Variants in DYNC1I1 observed in about 807,000 individuals in gnomAD.
DYNC1I1 encodes cytoplasmic dynein 1 intermediate chain 1.
A neutral mutation model predicts 86.6 loss-of-function variants in DYNC1I1; 43 were observed. The ratio of observed to expected loss-of-function variants is 0.50; its 90% CI spans 0.39 to 0.64. The LOEUF is 0.64. Ranked by LOEUF, DYNC1I1 falls within the 30% of genes least tolerant of loss-of-function variation. DYNC1I1 has a pLI of 0.00. For missense variants in DYNC1I1, 604 were observed against 788.8 expected, an observed-to-expected ratio of 0.77 and a Z score of 2.81; for synonymous variants, 262 against 283.7, an observed-to-expected ratio of 0.92 and a Z score of 0.77.
chr7:95,911,607 G>T (rs1272867884), intron 6 of DYNC1I1, among the ~76,000 whole-genome samples: 1 of 152,150 alleles, frequency 6.6e-6, no homozygotes, highest in Non-Finnish European at 1.5e-5. Context: ...AGGGAAGCAG[G>T]AAATAACACA....
chr7:96,024,306 A>C (rs1794623251), intron 10 of DYNC1I1, among the ~76,000 whole-genome samples: 2 of 152,166 alleles, frequency 1.3e-5, no homozygotes, highest in African/African-American at 4.8e-5. Flanking sequence ...CATGTTGCTC[A>C]TGCTAGTCTC....
intron 1 of DYNC1I1, among the ~76,000 whole-genome samples, chr7:95,802,180 A>C (rs1794593368): frequency 2.0e-5 from 3 of 151,972 alleles, no homozygotes; most frequent in African/African-American, 4.8e-5. Flanking sequence ...AAATTATGAC[A>C]TACATGCTGC....
chr7:95,925,532 C>T (rs748171120), intron 6 of DYNC1I1, among the ~76,000 whole-genome samples: 1 of 152,120 alleles, frequency 6.6e-6, no homozygotes, highest in Non-Finnish European at 1.5e-5. Context: ...AGGTTCCTTC[C>T]CGAGATTCTA....
intron 1 of DYNC1I1, among the ~76,000 whole-genome samples, chr7:95,782,067 G>A (rs777735048): frequency 6.6e-6 from 1 of 152,124 alleles, no homozygotes; most frequent in Non-Finnish European, 1.5e-5. Context: ...TCACTCAGAG[G>A]CCCATGCTGC....
intron 6 of DYNC1I1, among the ~76,000 whole-genome samples, chr7:95,908,925 C>T (rs530051727): frequency 1.1e-3 from 167 of 151,984 alleles, no homozygotes; most frequent in African/African-American, 3.8e-3. Context: ...AACTGCATTA[C>T]AAGCCAGGGA....
At chr7:95,805,058 G>A (rs1237774306) in intron 2 of DYNC1I1, among the ~76,000 whole-genome samples, 1 of 152,156 alleles carries the variant, frequency 6.6e-6, no homozygotes, top group East Asian at 1.9e-4. Flanking sequence ...AGGCTCCAGA[G>A]GCCTGCAGAC....
chr7:95,802,508 CA>C (rs1199555021), intron 1 of DYNC1I1, among the ~76,000 whole-genome samples: 1 of 152,198 alleles, frequency 6.6e-6, no homozygotes, highest in Non-Finnish European at 1.5e-5. Context: ...TAGGCTTAAG[CA>C]AATTCCATTT....
intron 16 of DYNC1I1, among the ~76,000 whole-genome samples, chr7:96,108,783 C>T (rs925552571): frequency 2.0e-5 from 3 of 151,342 alleles, no homozygotes; most frequent in African/African-American, 4.9e-5. Context: ...ATTGCTTGAA[C>T]CCAAGAAGCA....
intron 16 of DYNC1I1, among the ~76,000 whole-genome samples, chr7:96,081,356 A>G (rs1562998230): frequency 6.6e-6 from 1 of 151,742 alleles, no homozygotes; most frequent in Admixed American, 6.6e-5. Flanking sequence ...TACACCTTTT[A>G]TTTCAGACAA....
intron 10 of DYNC1I1, among the ~76,000 whole-genome samples, chr7:96,015,339 A>G (rs1472968105): frequency 6.6e-6 from 1 of 152,176 alleles, no homozygotes; most frequent in East Asian, 1.9e-4. Context: ...AACATGGTTC[A>G]GAATAGAATC....
chr7:95,800,493 A>G (rs1794551096), intron 1 of DYNC1I1, among the ~76,000 whole-genome samples: 1 of 152,088 alleles, frequency 6.6e-6, no homozygotes, highest in African/African-American at 2.4e-5. Context: ...CCACTGATGG[A>G]AAAAGAGTTC....
intron 14 of DYNC1I1, among the ~76,000 whole-genome samples, chr7:96,070,857 A>G (rs1345958126): frequency 6.6e-6 from 1 of 152,248 alleles, no homozygotes; most frequent in Admixed American, 6.5e-5. Context: ...TAACTTTGGC[A>G]TATATCTGAC....
intron 1 of DYNC1I1, among the ~76,000 whole-genome samples, chr7:95,801,370 A>G (rs1478928960): frequency 1.3e-5 from 2 of 152,180 alleles, no homozygotes; most frequent in Non-Finnish European, 2.9e-5. Flanking sequence ...CTTTGAAGAA[A>G]TTTTCTGAGA....
intron 14 of DYNC1I1, among the ~76,000 whole-genome samples, chr7:96,054,914 C>G (rs1046496260): frequency 6.6e-6 from 1 of 152,106 alleles, no homozygotes; most frequent in African/African-American, 2.4e-5. Flanking sequence ...ATTCTGTAGG[C>G]TGCCTGTTCA....
At chr7:95,774,375 T>G (rs1046016326) in intron 1 of DYNC1I1, among the ~76,000 whole-genome samples, 1 of 152,136 alleles carries the variant, frequency 6.6e-6, no homozygotes, top group African/African-American at 2.4e-5. Context: ...TGGTGCACAG[T>G]CCCCTGGAGG....
At chr7:96,001,486 T>A (rs1183508936) in intron 10 of DYNC1I1, among the ~76,000 whole-genome samples, 1 of 152,178 alleles carries the variant, frequency 6.6e-6, no homozygotes, top group East Asian at 1.9e-4. Flanking sequence ...ACTGGGCGGT[T>A]TATAAACAAC....
At chr7:96,104,391 C>T (rs1248211825) in intron 16 of DYNC1I1, among the ~76,000 whole-genome samples, 8 of 151,988 alleles carry the variant, frequency 5.3e-5, no homozygotes, top group African/African-American at 1.9e-4. Flanking sequence ...TCTTTTGTAT[C>T]CATTTTTATG....
chr7:95,968,453 T>C (rs886838369), intron 6 of DYNC1I1, among the ~76,000 whole-genome samples: 3 of 152,220 alleles, frequency 2.0e-5, no homozygotes, highest in African/African-American at 7.2e-5. Flanking sequence ...ATAGTGCTTC[T>C]AAATGGTTTC....
chr7:96,008,707 C>T (rs1794200593), intron 10 of DYNC1I1, among the ~76,000 whole-genome samples: 1 of 152,118 alleles, frequency 6.6e-6, no homozygotes, highest in Non-Finnish European at 1.5e-5. Context: ...GTAATAATCC[C>T]TGATTCTGAT....
Sources: allele counts gnomAD v4.1 joint callset (sites outside exome capture counted in the v4.1 genomes callset), GRCh38; gene constraint gnomAD v4.1.1; transcripts MANE v1.5; gene names NCBI Gene and HGNC (gene_info 2026-07-23, HGNC 2026-07-21).